Variants in DGKD observed in about 807,000 individuals in gnomAD.
DGKD encodes the protein DAG kinase delta.
A neutral mutation model predicts 154.4 loss-of-function variants in DGKD; 68 were observed. The observed-to-expected ratio is 0.44, with a 90% CI of 0.36 to 0.54. The LOEUF (loss-of-function observed/expected upper bound fraction) is 0.54, where lower values mean the gene tolerates loss of function less well. Among genes scored for constraint, DGKD ranks in the 20% least tolerant of loss-of-function variants. DGKD has a pLI of 0.00. For missense variants in DGKD, 1,343 were observed against 1,593.6 expected (o/e 0.84, Z 2.68); for synonymous variants, 693 against 638.0 (o/e 1.09, Z -1.30).
At chr2:233,462,223 G>T (rs191336659) in intron 24 of DGKD, 125 bp from the exon 25 acceptor site, 2 of 701,778 alleles carry the variant, frequency 2.8e-6, no homozygotes, top group Non-Finnish European at 4.7e-6. Context: ...GATCCCTGTC[G>T]TCCTGCTGGG....
intron 3 of DGKD, among the ~76,000 whole-genome samples, chr2:233,394,762 C>T (rs1407700160): frequency 4.7e-4 from 54 of 115,480 alleles, no homozygotes; most frequent in African/African-American, 1.4e-3. Flanking sequence ...GGCTGGAATG[C>T]GGTGGTACAG....
intron 3 of DGKD, among the ~76,000 whole-genome samples, chr2:233,421,254 G>A (rs761284623): frequency 7.9e-5 from 12 of 152,036 alleles, no homozygotes; most frequent in Admixed American, 2.0e-4. Flanking sequence ...CCTGGGATGG[G>A]AGCAGCACCC....
chr2:233,365,661 T>C (rs754877683), intron 1 of DGKD, among the ~76,000 whole-genome samples: 6 of 152,222 alleles, frequency 3.9e-5, no homozygotes, highest in Non-Finnish European at 5.9e-5. Context: ...ATGCTGGCCA[T>C]AACACAAGTC....
intron 24 of DGKD, among the ~76,000 whole-genome samples, chr2:233,461,932 T>C (rs2063658602): frequency 6.6e-6 from 1 of 152,246 alleles, no homozygotes; most frequent in Non-Finnish European, 1.5e-5. Flanking sequence ...AGGATTGTCC[T>C]GTTCAGATGA....
chr2:233,447,210 C>T (rs996756320), intron 12 of DGKD, among the ~76,000 whole-genome samples: 6 of 152,202 alleles, frequency 3.9e-5, no homozygotes, highest in African/African-American at 1.4e-4. Context: ...GCTCCTGCCC[C>T]GTCCCACCTC....
At chr2:233,469,155 G>A (rs550319623) in intron 29 of DGKD, among the ~76,000 whole-genome samples, 23 of 152,266 alleles carry the variant, frequency 1.5e-4, no homozygotes, top group Non-Finnish European at 2.8e-4. Flanking sequence ...ATTTGTCCTT[G>A]CTGATGGTAG....
At chr2:233,358,740 C>T (rs2125370172) in intron 1 of DGKD, among the ~76,000 whole-genome samples, 1 of 152,304 alleles carries the variant, frequency 6.6e-6, no homozygotes, top group South Asian at 2.1e-4. Flanking sequence ...TCATTTCTTT[C>T]TGTTGCTGGG....
chr2:233,372,267 C>T lies in DGKD; in HGVS notation c.157-15990C>T, dbSNP rs150218605. 6.4e-4 allele frequency among the ~76,000 whole-genome samples: 97 copies of T among 152,286 alleles called. 1 individual carries two copies. The East Asian group carries it at 0.017, about 27-fold the overall frequency. Reference sequence around the variant, plus strand: ...AATTCCTGGGCTCAAGCAATCCGCCCGCCTCAGTCTCCCAAAGTGGCTAGG... The same window carrying T: ...AATTCCTGGGCTCAAGCAATCCGCCTGCCTCAGTCTCCCAAAGTGGCTAGG... On this transcript the variant is annotated intron_variant, in intron 1 of 29. Coordinates refer to ENST00000264057, the MANE Select transcript of DGKD (RefSeq NM_152879.3).
At chr2:233,436,982 C>T (rs1433459586) in intron 7 of DGKD, among the ~76,000 whole-genome samples, 2 of 152,210 alleles carry the variant, frequency 1.3e-5, no homozygotes, top group Non-Finnish European at 2.9e-5. Context: ...CTGCTGCAGT[C>T]ACTTGCCTAG....
At chr2:233,393,935 C>A (rs749197137) in intron 3 of DGKD, among the ~76,000 whole-genome samples, 39 of 151,966 alleles carry the variant, frequency 2.6e-4, no homozygotes, top group Non-Finnish European at 5.9e-5. Context: ...CTTGGCCACC[C>A]AAAATGCTGG....
chr2:233,376,995 G>GA lies in DGKD; in HGVS notation c.157-11252dup, dbSNP rs373230419. ...TTAATCCTTCCATTGTTTCTTTTTG[G>GA]AAAAAAAAAACTAAGTTTATCTTCT... is the stretch of plus-strand genomic sequence containing the variant. On this transcript the variant is annotated intron_variant, in intron 1 of 29. Transcript: ENST00000264057. Among the ~76,000 whole-genome samples, 163 of 140,392 alleles carry GA rather than the reference G, an allele frequency of 1.2e-3. 1 individual carries two copies. The highest frequency in any genetic ancestry group is 3.5e-3 in the African/African-American group (133 of 38,332). 92.1% of individuals were successfully genotyped at this position (140,392 alleles called of 152,430 possible). A position where few individuals can be genotyped will look rare whatever the true frequency, so the allele number is the denominator to read the frequency against.
At chr2:233,402,137 G>T (rs769870727) in intron 3 of DGKD, among the ~76,000 whole-genome samples, 2 of 151,934 alleles carry the variant, frequency 1.3e-5, no homozygotes, top group Admixed American at 6.6e-5. Flanking sequence ...TCTCCCCACC[G>T]ACCCTGTCCG....
intron 3 of DGKD, among the ~76,000 whole-genome samples, chr2:233,415,451 C>A (rs2061937986): frequency 6.6e-6 from 1 of 152,158 alleles, no homozygotes; most frequent in African/African-American, 2.4e-5. Context: ...TCTCTAGCTG[C>A]AGGGGTGGTT....
In DGKD at chr2:233,354,605, C is replaced by A; in HGVS notation, c.87C>A (p.Pro29=). 1.8e-6 allele frequency: 2 copies of A among 1,124,810 alleles called. No homozygotes were observed. The highest frequency in any genetic ancestry group is 2.2e-6 in the Non-Finnish European group (2 of 902,024). 69.7% of individuals were successfully genotyped at this position (1,124,810 alleles called of 1,614,324 possible). A position where few individuals can be genotyped will look rare whatever the true frequency, so the allele number is the denominator to read the frequency against. The change falls in exon 1 of 30, where the codon CCC becomes CCA. Residue 29 remains proline (P), a synonymous_variant. Transcript: ENST00000264057. This position sits in a 1 kb window ranked among gnomAD's most constrained non-coding sequence, Gnocchi z 4.8. ...PPPEESSDSE[P]EAEPGSPQKL... is the part of the protein sequence containing the mutation. The stretch of plus-strand genomic sequence containing the variant: ...CCGAGGAGTCGTCCGACAGCGAGCC[C>A]GAGGCGGAGCCCGGCTCCCCACAGA...
At chr2:233,436,088 C>T (rs538036249) in intron 6 of DGKD, among the ~76,000 whole-genome samples, 164 bp downstream of exon 6, 72 of 152,300 alleles carry the variant, frequency 4.7e-4, no homozygotes, top group African/African-American at 8.7e-4. Flanking sequence ...GTGTGGTTGT[C>T]GCACCCCCGA....
At chr2:233,416,051 G>A (rs1347284405) in intron 3 of DGKD, among the ~76,000 whole-genome samples, 1 of 152,174 alleles carries the variant, frequency 6.6e-6, no homozygotes, top group African/African-American at 2.4e-5. Context: ...AGTTTTCCCG[G>A]CTGCTTGTGT....
intron 11 of DGKD, 42 bp from the exon 12 acceptor site, chr2:233,446,670 C>G (rs781466229): frequency 1.1e-5 from 18 of 1,601,626 alleles, no homozygotes; most frequent in Non-Finnish European, 1.4e-5. Flanking sequence ...CCTTGTGGGC[C>G]TGCACGTCTT....
At chr2:233,404,157 A>G (rs2061625529) in intron 3 of DGKD, among the ~76,000 whole-genome samples, 1 of 148,706 alleles carries the variant, frequency 6.7e-6, no homozygotes, top group Non-Finnish European at 1.5e-5. Context: ...TTTTGGCTTT[A>G]TTTGCTGTTT....
intron 1 of DGKD, among the ~76,000 whole-genome samples, chr2:233,361,238 C>T (rs1210601642): frequency 6.6e-6 from 1 of 152,196 alleles, no homozygotes; most frequent in Non-Finnish European, 1.5e-5. Flanking sequence ...AAGGAATGCG[C>T]AGGAGCCAGA....
Sources: allele counts gnomAD v4.1 joint callset (sites outside exome capture counted in the v4.1 genomes callset), GRCh38; gene constraint gnomAD v4.1.1; non-coding constraint Gnocchi (gnomAD v3.1); transcripts MANE v1.5; gene names NCBI Gene and HGNC (gene_info 2026-07-23, HGNC 2026-07-21).